ALDH1L1: variants seen among roughly 807,000 people sequenced by gnomAD.
The protein encoded by ALDH1L1 is cytosolic 10-formyltetrahydrofolate dehydrogenase.
A neutral mutation model predicts 101.1 loss-of-function variants in ALDH1L1; 68 were observed. The observed-to-expected ratio is 0.67, with a 90% CI of 0.55 to 0.82. The LOEUF (loss-of-function observed/expected upper bound fraction) is 0.82. Among genes scored for constraint, ALDH1L1 ranks in the 40% least tolerant of loss-of-function variants. The pLI is 0.00. For missense variants in ALDH1L1, 1,087 were observed against 1,172.7 expected (o/e 0.93, Z 1.07); for synonymous variants, 486 against 470.8 (o/e 1.03, Z -0.42).
At chr3:126,194,282 TA>T (rs2081568864) in intron 1 of ALDH1L1, among the ~76,000 whole-genome samples, 1 of 152,220 alleles carries the variant, frequency 6.6e-6, no homozygotes, top group African/African-American at 2.4e-5. Flanking sequence ...TGAAGAAGGT[TA>T]AACATTATTT....
Position 126,103,699 on chromosome 3 carries a change from C to A in ALDH1L1, c.*92G>T. The A allele has an allele frequency of 7.2e-7, 1 of 1,386,060 alleles. No homozygotes were observed. Among genetic ancestry groups the A allele is most frequent in the Non-Finnish European group, 1.0e-6 (1 of 994,170 alleles). 85.9% of individuals were successfully genotyped at this position (1,386,060 alleles called of 1,614,324 possible). On this transcript the variant is annotated 3_prime_UTR_variant, in exon 23 of 23. Coordinates refer to ENST00000393434, the MANE Select transcript of ALDH1L1 (RefSeq NM_012190.4). ...GGCAGGAGGGCTTCCACTAGCCCCC[C>A]AGGTGGGAGGTGCTGTGCACCCAGG...
chr3:126,146,060 C>G (rs2080670510), intron 9 of ALDH1L1, among the ~76,000 whole-genome samples: 2 of 152,142 alleles, frequency 1.3e-5, no homozygotes, highest in Non-Finnish European at 2.9e-5. Flanking sequence ...GTGCCAAGCA[C>G]ATAGGCCCAA....
intron 14 of ALDH1L1, chr3:126,130,004 G>T (rs3821458): frequency 4.9e-6 from 2 of 410,722 alleles, no homozygotes; most frequent in Admixed American, 4.5e-5. Flanking sequence ...GTTTCCCACC[G>T]TGGACCTGAC....
chr3:126,193,145 A>C (rs561118379), intron 1 of ALDH1L1, among the ~76,000 whole-genome samples: 232 of 152,336 alleles, frequency 1.5e-3, no homozygotes, highest in Non-Finnish European at 2.9e-3. Context: ...TTCATCCACA[A>C]GACTTGAATA....
intron 8 of ALDH1L1, among the ~76,000 whole-genome samples, chr3:126,147,649 A>G (rs2080722662): frequency 6.6e-6 from 1 of 152,242 alleles, no homozygotes; most frequent in East Asian, 1.9e-4. Context: ...GGCCCCAGCA[A>G]TATCAGGCCA....
upstream of ALDH1L1, among the ~76,000 whole-genome samples, chr3:126,183,545 G>A (rs995563211): frequency 1.3e-5 from 2 of 152,154 alleles, no homozygotes; most frequent in African/African-American, 4.8e-5. Context: ...TCACTCTGGG[G>A]CCAGAGTCAG....
At chr3:126,139,041 G>A (rs548988593) in intron 9 of ALDH1L1, among the ~76,000 whole-genome samples, 1 of 152,206 alleles carries the variant, frequency 6.6e-6, no homozygotes, top group Non-Finnish European at 1.5e-5. Flanking sequence ...GTTGAAGCAG[G>A]GCTGGGTCAT....
intron 1 of ALDH1L1, among the ~76,000 whole-genome samples, chr3:126,172,027 A>C (rs564657946): frequency 6.5e-4 from 99 of 152,346 alleles, no homozygotes; most frequent in African/African-American, 2.0e-3. Context: ...AAACAAGAAG[A>C]TGAAGAGAGA....
At position 126,135,608 on chromosome 3, in the gene ALDH1L1, C is replaced by T. The variant is rs369044554; in HGVS notation, c.1399G>A (p.Ala467Thr). Residue 467 changes from alanine (A) to threonine (T), a missense_variant, in exon 12 of 23, where the codon GCA becomes ACA. Physicochemically the swap from Ala to Thr is moderately conservative, Grantham distance 58 (BLOSUM62 0). Around this residue, in one of 2 missense-constraint regions of ALDH1L1, gnomAD observed 645 missense variants for 637.0 expected, o/e 1.01. Coordinates refer to ENST00000393434, the MANE Select transcript of ALDH1L1 (RefSeq NM_012190.4). ...CCATTCTCAAAGGCATCCTTGGCTG[C>T]GGCCACTGCCTTGTCGACGTCGGTG... is the stretch of plus-strand genomic sequence containing the variant. ...QVTDVDKAVA[A>T]AKDAFENGRW... 2.9e-5 allele frequency: 47 copies of T among 1,595,216 alleles called. No individual in the cohort carries two copies. Among genetic ancestry groups the T allele is most frequent in the African/African-American group, 1.5e-4 (11 of 74,118 alleles).
At chr3:126,138,029 G>A (rs2080488194) in intron 9 of ALDH1L1, 69 bp from the exon 10 acceptor site, 23 of 1,584,088 alleles carry the variant, frequency 1.5e-5, no homozygotes, top group Non-Finnish European at 2.0e-5. Flanking sequence ...TAGCAGCAGT[G>A]GCAGTGGGGC....
chr3:126,178,825 A>C (rs1418881905), intron 1 of ALDH1L1, among the ~76,000 whole-genome samples: 1 of 152,106 alleles, frequency 6.6e-6, no homozygotes, highest in East Asian at 1.9e-4. Context: ...ATTTACACTG[A>C]AATGTTGAAA....
intron 9 of ALDH1L1, 63 bp downstream of exon 9, chr3:126,146,772 T>C (rs1305828498): frequency 1.3e-6 from 2 of 1,554,386 alleles, no homozygotes; most frequent in Non-Finnish European, 1.8e-6. Flanking sequence ...CTGCTCAGTT[T>C]TGCAGAGATT....
intron 21 of ALDH1L1, among the ~76,000 whole-genome samples, chr3:126,106,441 G>A (rs1441214924): frequency 6.6e-6 from 1 of 152,194 alleles, no homozygotes; most frequent in Non-Finnish European, 1.5e-5. Context: ...GAGACAAGGG[G>A]CAGGCCTGAG....
intron 17 of ALDH1L1, chr3:126,115,340 G>A: frequency 3.1e-6 from 1 of 321,634 alleles, no homozygotes; most frequent in South Asian, 2.5e-5. Context: ...CTCCACTGGG[G>A]AGGAGAGGCC....
At chr3:126,126,541 A>AG (rs1440926161) in intron 14 of ALDH1L1, among the ~76,000 whole-genome samples, 1 of 151,850 alleles carries the variant, frequency 6.6e-6, no homozygotes, top group African/African-American at 2.4e-5. Flanking sequence ...GTGAGGCATC[A>AG]GGGGGGAGCA....
intron 3 of ALDH1L1, among the ~76,000 whole-genome samples, chr3:126,157,805 C>T (rs1377259343): frequency 6.6e-6 from 1 of 152,116 alleles, no homozygotes; most frequent in Non-Finnish European, 1.5e-5. Context: ...GAAGCGACAC[C>T]CACAAAGATC....
In ALDH1L1 at chr3:126,130,292, C is replaced by T; in HGVS notation, c.1625G>A (p.Gly542Asp). ...GGCCTGGTTGATGGGGATGGTGGAG[C>T]CCTGGAAGAGGAACAGGGGCAGTCA... Reference protein sequence around the residue: ...YFAGWCDKIQGSTIPINQARP... With the variant: ...YFAGWCDKIQDSTIPINQARP... Residue 542 changes from glycine (G) to aspartate (D), a missense_variant and splice_region_variant, in exon 14 of 23, where the codon GGC (glycine) becomes GAC (aspartate). This residue lies in a region of ALDH1L1 where 442 missense variants were observed against 535.7 expected (regional missense o/e 0.83). Transcript: ENST00000393434. 1 of 1,607,864 alleles carries T rather than the reference C, an allele frequency of 6.2e-7. No individual in the cohort carries two copies.
intron 1 of ALDH1L1, among the ~76,000 whole-genome samples, chr3:126,171,881 TC>T: frequency 1.3e-5 from 2 of 151,440 alleles, no homozygotes; most frequent in South Asian, 4.2e-4. Flanking sequence ...GTAAAACACT[TC>T]CCCCCACCAA....
intron 6 of ALDH1L1, 109 bp from the exon 7 acceptor site, chr3:126,153,690 C>T: frequency 2.1e-6 from 3 of 1,395,720 alleles, no homozygotes; most frequent in East Asian, 2.4e-5. Context: ...CCAGGGGTAG[C>T]TGAGACCTGG....
Sources: allele counts gnomAD v4.1 joint callset (sites outside exome capture counted in the v4.1 genomes callset), GRCh38; gene constraint gnomAD v4.1.1; regional missense constraint gnomAD v4.1.1; transcripts MANE v1.5; gene names NCBI Gene and HGNC (gene_info 2026-07-23, HGNC 2026-07-21).